SLC7A5: variants seen among roughly 807,000 people sequenced by gnomAD.
SLC7A5 encodes the protein solute carrier family 7 member 5.
A neutral mutation model predicts 50.2 loss-of-function variants in SLC7A5; 23 were observed. The ratio of observed to expected loss-of-function variants is 0.46; its 90% CI spans 0.33 to 0.65. The LOEUF (loss-of-function observed/expected upper bound fraction) is 0.65, where lower values mean the gene tolerates loss of function less well. Among genes scored for constraint, SLC7A5 ranks in the 30% least tolerant of loss-of-function variants. The pLI, the probability that SLC7A5 is intolerant of heterozygous loss-of-function variation, is 0.02. For synonymous variants in SLC7A5, 393 were observed against 330.6 expected, an observed-to-expected ratio of 1.19 and a Z score of -2.05; for missense variants, 578 against 684.4, an observed-to-expected ratio of 0.84 and a Z score of 1.73.
chr16:87,855,961 G>A (rs2055313304), intron 1 of SLC7A5, among the ~76,000 whole-genome samples: 1 of 152,274 alleles, frequency 6.6e-6, no homozygotes, highest in East Asian at 1.9e-4. Flanking sequence ...TGGGCCGCCG[G>A]TCCTCACCTG....
intron 7 of SLC7A5, 83 bp from the exon 8 acceptor site, chr16:87,836,730 A>G: frequency 6.7e-7 from 1 of 1,494,980 alleles, no homozygotes; most frequent in Non-Finnish European, 9.2e-7. Context: ...GGGACTGTCC[A>G]GCCTGGCTGG....
intron 2 of SLC7A5, among the ~76,000 whole-genome samples, chr16:87,842,445 C>T (rs2055093385): frequency 6.6e-6 from 1 of 152,226 alleles, no homozygotes; most frequent in African/African-American, 2.4e-5. Flanking sequence ...GGGAGGTTCC[C>T]ATAAGACCTT....
At chr16:87,859,960 C>G (rs1317587333) in intron 1 of SLC7A5, among the ~76,000 whole-genome samples, 8 of 151,816 alleles carry the variant, frequency 5.3e-5, no homozygotes, top group African/African-American at 1.9e-4. Flanking sequence ...TTCGTCTCCA[C>G]AACCTCCTGT....
At position 87,832,242 on chromosome 16, in the gene SLC7A5, G is replaced by A. The variant is rs1483426067; in HGVS notation, c.*728C>T. 6.6e-6 allele frequency: 1 copy of A among 152,360 alleles called. No homozygotes were observed. Among genetic ancestry groups the A allele is most frequent in the Admixed American group, 6.5e-5 (1 of 15,282 alleles). The allele number at this position is 152,360 out of a possible 1,614,324, so 9.4% of individuals were successfully genotyped here. ...AGAGGCCACACTGCCCAGAGGCCAG[G>A]CCTGGTGAGCTAGGGGAGATGCCGG... On this transcript the variant is annotated 3_prime_UTR_variant, in exon 10 of 10. Transcript: ENST00000261622. The surrounding 1 kb of genome is among the most constrained non-coding windows in gnomAD (Gnocchi z 4.6).
chr16:87,845,451 C>A (rs1260811637), intron 2 of SLC7A5, among the ~76,000 whole-genome samples: 1 of 150,740 alleles, frequency 6.6e-6, no homozygotes, highest in Non-Finnish European at 1.5e-5. Context: ...AGAGTCCATG[C>A]CCACTCCAGG....
At chr16:87,838,555 A>C (rs1470448333) in intron 6 of SLC7A5, among the ~76,000 whole-genome samples, 159 bp downstream of exon 6, 4 of 152,142 alleles carry the variant, frequency 2.6e-5, no homozygotes, top group Non-Finnish European at 5.9e-5. Flanking sequence ...GGCCTCCTAA[A>C]GTGCTGGGAT....
intron 2 of SLC7A5, 96 bp downstream of exon 2, chr16:87,851,628 A>T: frequency 6.8e-7 from 1 of 1,465,054 alleles, no homozygotes; most frequent in Non-Finnish European, 9.4e-7. Context: ...AGAGCTGCGG[A>T]CTGGGAGGCA....
chr16:87,869,324 G>A lies in SLC7A5; in HGVS notation c.99C>T (p.Asp33=), dbSNP rs369054345. The change falls in exon 1 of 10, where the codon GAC becomes GAT. Residue 33 remains aspartate, a synonymous_variant. Coordinates refer to ENST00000261622, the MANE Select transcript of SLC7A5 (RefSeq NM_003486.7). ...CGCCCTCGCCTGCCGGCGCCGAGCCGTCCGCGCTCTTGGCGGCCAGCATCT... is the reference window on the plus strand; with the variant it reads ...CGCCCTCGCCTGCCGGCGCCGAGCCATCCGCGCTCTTGGCGGCCAGCATCT... The part of the protein sequence containing the change: ...REKMLAAKSA[D]GSAPAGEGEG... 1.2e-5 allele frequency: 20 copies of A among 1,610,318 alleles called. No homozygotes were observed. Among genetic ancestry groups the A allele is most frequent in the East Asian group, 4.5e-5 (2 of 44,832 alleles).
chr16:87,867,781 GCATCTGCTA>G (rs2055481604), intron 1 of SLC7A5, among the ~76,000 whole-genome samples: 1 of 152,124 alleles, frequency 6.6e-6, no homozygotes, highest in East Asian at 1.9e-4. Context: ...AAATCATGTG[GCATCTGCTA>G]CAAGTGATTT....
chr16:87,833,080 G>A lies in SLC7A5; in HGVS notation c.1469-55C>T. ...CTGGGGGCTGGGTAGGCACCCGTGG[G>A]ACACGGGGGCGTGAGCTGGGGCTCC... On this transcript the variant is annotated intron_variant, in intron 9 of 9. Coordinates refer to ENST00000261622, the MANE Select transcript of SLC7A5 (RefSeq NM_003486.7). The surrounding 1 kb of genome is among the most constrained non-coding windows in gnomAD (Gnocchi z 6.0). 6.7e-7 allele frequency: 1 copy of A among 1,484,030 alleles called. No individual in the cohort carries two copies. Among genetic ancestry groups the A allele is most frequent in the Non-Finnish European group, 9.4e-7 (1 of 1,062,254 alleles). The allele number at this position is 1,484,030 out of a possible 1,614,324, so 91.9% of individuals were successfully genotyped here.
chr16:87,846,507 G>A (rs1024538638), intron 2 of SLC7A5, among the ~76,000 whole-genome samples: 1 of 152,232 alleles, frequency 6.6e-6, no homozygotes, highest in Non-Finnish European at 1.5e-5. Context: ...TGGACATGGG[G>A]CCTCTACAGA....
At chr16:87,838,666 C>T (rs780416669) in intron 6 of SLC7A5, 48 bp downstream of exon 6, 1 of 1,378,334 alleles carries the variant, frequency 7.3e-7, no homozygotes, top group South Asian at 1.2e-5. Context: ...TGAACCTGGC[C>T]ATGAGGCCTG....
rs1425949325 is a variant in SLC7A5, at chr16:87,862,855, C to T, written c.538+6030G>A. Reference sequence around the variant, plus strand: ...GTGTCTCAGCTCACAGGTTCCTAAACGCATACCCGCCCACACCAATCTGCT... The same window carrying T: ...GTGTCTCAGCTCACAGGTTCCTAAATGCATACCCGCCCACACCAATCTGCT... On this transcript the variant is annotated intron_variant, in intron 1 of 9. Transcript: ENST00000261622. This position sits in a 1 kb window ranked among gnomAD's most constrained non-coding sequence, Gnocchi z 5.3. Among the ~76,000 whole-genome samples the T allele has an allele frequency of 1.3e-5, 2 of 152,338 alleles. No homozygotes were observed. Among genetic ancestry groups the T allele is most frequent in the South Asian group, 2.1e-4 (1 of 4,826 alleles).
rs1270012101 is a variant in SLC7A5, at chr16:87,848,982, C to A, written c.664+2742G>T. Among the ~76,000 whole-genome samples the A allele has an allele frequency of 2.0e-5, 3 of 152,344 alleles. No individual in the cohort carries two copies. In the East Asian group the frequency reaches 5.8e-4, roughly 29 times the overall value. On this transcript the variant is annotated intron_variant, in intron 2 of 9. Coordinates refer to ENST00000261622, the MANE Select transcript of SLC7A5 (RefSeq NM_003486.7). ...CATAGCACAGGGCCCACCTGGGGGC[C>A]AAGGGCAGCAAGGAGGAGCCTTTTC...
chr16:87,836,454 C>G, intron 8 of SLC7A5, 44 bp downstream of exon 8: 2 of 1,601,228 alleles, frequency 1.2e-6, no homozygotes, highest in Non-Finnish European at 1.7e-6. Flanking sequence ...ACGGACCCTG[C>G]CTCTGTGAAG....
Position 87,841,148 on chromosome 16 carries a change from C to T in SLC7A5, c.672G>A (p.Val224=), listed in dbSNP as rs765004550. Residue 224 remains valine (V), a synonymous_variant, in exon 3 of 10, where the codon GTG becomes GTA. Transcript: ENST00000261622. This position sits in a 1 kb window ranked among gnomAD's most constrained non-coding sequence, Gnocchi z 4.8. ...LGFVQIGKGD[V]SNLDPNFSFE... is the part of the protein sequence containing the mutation. ...ATGAGAAGTTGGGATCTAGATTGGA[C>T]ACATCACCTGGCAGGGCCAAAGAAA... The T allele has an allele frequency of 1.9e-6, 3 of 1,609,484 alleles. No homozygotes were observed. Among genetic ancestry groups the T allele is most frequent in the South Asian group, 1.1e-5 (1 of 91,004 alleles).
chr16:87,851,681 A>G (rs776439980), intron 2 of SLC7A5, 43 bp downstream of exon 2: 2 of 1,600,006 alleles, frequency 1.3e-6, no homozygotes, highest in Non-Finnish European at 1.7e-6. Context: ...CACACAGGCA[A>G]AGCCTCGAGG....
intron 1 of SLC7A5, among the ~76,000 whole-genome samples, chr16:87,857,834 G>A (rs1332713610): frequency 6.6e-6 from 1 of 152,168 alleles, no homozygotes; most frequent in Non-Finnish European, 1.5e-5. Flanking sequence ...ATTTTTAACC[G>A]GGGCTGAGTT....
intron 1 of SLC7A5, among the ~76,000 whole-genome samples, chr16:87,867,479 G>C (rs1273853928): frequency 1.3e-5 from 2 of 152,146 alleles, no homozygotes; most frequent in African/African-American, 4.8e-5. Context: ...TCGACTCAGA[G>C]CCTCAGAGAA....
Sources: gnomAD v4.1 joint callset for allele counts (sites outside exome capture counted in the v4.1 genomes callset) on GRCh38, gnomAD v4.1.1 for gene constraint, Gnocchi (gnomAD v3.1) non-coding constraint, MANE v1.5 for transcripts, NCBI Gene and HGNC (gene_info 2026-07-23, HGNC 2026-07-21) for gene names.